Variants in RHOQ observed in about 807,000 individuals in gnomAD.
The protein encoded by RHOQ is ras homolog family member Q, also known as rho-related GTP-binding protein RhoQ.
RHOQ carries 7 observed loss-of-function variants against 25.8 expected under a neutral mutation model. That is an observed-to-expected ratio of 0.27 (90% CI 0.15 to 0.51). RHOQ has a LOEUF of 0.51. Among genes scored for constraint, RHOQ ranks in the 20% least tolerant of loss-of-function variants. The pLI is 0.97. For missense variants in RHOQ, 165 were observed against 260.6 expected, an observed-to-expected ratio of 0.63 and a Z score of 2.53; for synonymous variants, 97 against 98.6, an observed-to-expected ratio of 0.98 and a Z score of 0.10.
chr2:46,571,079 T>G (rs974800175), intron 2 of RHOQ, among the ~76,000 whole-genome samples: 1 of 152,234 alleles, frequency 6.6e-6, no homozygotes, highest in Admixed American at 6.5e-5. Context: ...TCCTAGCATG[T>G]TGGATACGTT....
chr2:46,560,223 C>T (rs1668532954), intron 2 of RHOQ, among the ~76,000 whole-genome samples: 1 of 152,120 alleles, frequency 6.6e-6, no homozygotes, highest in South Asian at 2.1e-4. Flanking sequence ...GCTCCGTGGG[C>T]CTGTTAAGTA....
At chr2:46,553,518 C>T (rs932973165) in intron 2 of RHOQ, among the ~76,000 whole-genome samples, 1 of 152,096 alleles carries the variant, frequency 6.6e-6, no homozygotes, top group Non-Finnish European at 1.5e-5. Flanking sequence ...TTTAAATGTA[C>T]AGTTGCATTA....
At chr2:46,560,681 T>C in intron 2 of RHOQ, 1 of 454,636 alleles carries the variant, frequency 2.2e-6, no homozygotes, top group Non-Finnish European at 4.4e-6. Context: ...GTCTTACTGT[T>C]GGACAGAGGT....
chr2:46,565,214 T>C (rs957124862), intron 2 of RHOQ, among the ~76,000 whole-genome samples: 1 of 152,152 alleles, frequency 6.6e-6, no homozygotes, highest in Non-Finnish European at 1.5e-5. Context: ...AATGATTGGC[T>C]TAATCCAACC....
At chr2:46,568,277 ATAGAGACT>A in intron 2 of RHOQ, 1 of 152,312 alleles carries the variant, frequency 6.6e-6, no homozygotes, top group Admixed American at 6.5e-5. Flanking sequence ...GAAATATTTA[ATAGAGACT>A]TAGAAACAGA....
At position 46,555,657 on chromosome 2, in the gene RHOQ, T is replaced by C. The variant is rs1382862578; in HGVS notation, c.201+11845T>C. 6.6e-6 allele frequency among the ~76,000 whole-genome samples: 1 copy of C among 152,242 alleles called. No homozygotes were observed. The highest frequency in any genetic ancestry group is 6.5e-5 in the Admixed American group (1 of 15,292). ...CATTAAGCAGACAGGCTGCCAGGTCTGTTTGGATGAAATACTGGCTATGCG... is the reference window on the plus strand; with the variant it reads ...CATTAAGCAGACAGGCTGCCAGGTCCGTTTGGATGAAATACTGGCTATGCG... On this transcript the variant is annotated intron_variant, in intron 2 of 4. Transcript: ENST00000238738. The surrounding 1 kb of genome is among the most constrained non-coding windows in gnomAD (Gnocchi z 4.3).
rs1669363014 is a variant in RHOQ at position 46,581,354 on chromosome 2, A to T, written c.*271A>T. The T allele has an allele frequency of 9.2e-6, 13 of 1,420,588 alleles. No individual in the cohort carries two copies. The highest frequency in any genetic ancestry group is 1.2e-5 in the Non-Finnish European group (13 of 1,064,726). The allele number at this position is 1,420,588 out of a possible 1,614,324, so 88.0% of individuals were successfully genotyped here. On this transcript the variant is annotated 3_prime_UTR_variant, in exon 5 of 5. Coordinates refer to ENST00000238738, the MANE Select transcript of RHOQ (RefSeq NM_012249.4). ...GGGGTTTCATAGTTTAAAAAGCTAC[A>T]ATCACATCATGTTGTAACTACGTAA...
Position 46,555,093 on chromosome 2 carries a change from G to T in RHOQ, c.201+11281G>T, listed in dbSNP as rs1264048518. ...GACAGAGCAGGCAGATGGGGGCTCT[G>T]CTTCCTTCGGACAGGGACTTCGTCC... On this transcript the variant is annotated intron_variant, in intron 2 of 4. Coordinates refer to ENST00000238738, the MANE Select transcript of RHOQ (RefSeq NM_012249.4). This position sits in a 1 kb window ranked among gnomAD's most constrained non-coding sequence, Gnocchi z 4.3. Among the ~76,000 whole-genome samples the T allele has an allele frequency of 6.6e-6, 1 of 152,240 alleles. No homozygotes were observed. The highest frequency in any genetic ancestry group is 1.9e-4 in the East Asian group (1 of 5,200).
intron 1 of RHOQ, 95 bp from the exon 2 acceptor site, chr2:46,543,659 G>A: frequency 9.2e-7 from 1 of 1,087,928 alleles, no homozygotes. Flanking sequence ...GCCTCTAGCT[G>A]GGTTGGGAGA....
chr2:46,551,973 C>T (rs1668256134), intron 2 of RHOQ, among the ~76,000 whole-genome samples: 1 of 152,214 alleles, frequency 6.6e-6, no homozygotes, highest in Non-Finnish European at 1.5e-5. Context: ...AAGCCGAGAT[C>T]ACCAGGCAGG....
chr2:46,552,803 G>C lies in RHOQ; in HGVS notation c.201+8991G>C, dbSNP rs926565816. Among the ~76,000 whole-genome samples, 228 of 152,380 alleles carry C rather than the reference G, an allele frequency of 1.5e-3. 1 individual carries two copies. Among genetic ancestry groups the C allele is most frequent in the African/African-American group, 5.3e-3 (222 of 41,590 alleles). ...GCCCCCAGAGGCACAGTGTTTTGAAGGGTAGGTCAACCATGAGTGGTGGGA... is the reference window on the plus strand; with the variant it reads ...GCCCCCAGAGGCACAGTGTTTTGAACGGTAGGTCAACCATGAGTGGTGGGA... On this transcript the variant is annotated intron_variant, in intron 2 of 4. Coordinates refer to ENST00000238738, the MANE Select transcript of RHOQ (RefSeq NM_012249.4). The surrounding 1 kb of genome is among the most constrained non-coding windows in gnomAD (Gnocchi z 5.0).
chr2:46,572,120 T>G (rs1458732087), intron 2 of RHOQ, among the ~76,000 whole-genome samples: 31 of 138,180 alleles, frequency 2.2e-4, no homozygotes, highest in South Asian at 4.8e-4. Flanking sequence ...TTTTTTTTTT[T>G]TTTTTTTTTT....
chr2:46,557,243 C>T (rs573910443), intron 2 of RHOQ, among the ~76,000 whole-genome samples: 8 of 152,128 alleles, frequency 5.3e-5, no homozygotes, highest in East Asian at 3.9e-4. Context: ...ATTCAGTGTA[C>T]CCAGAGATTT....
intron 2 of RHOQ, among the ~76,000 whole-genome samples, chr2:46,563,885 A>G (rs1347409042): frequency 3.9e-5 from 6 of 151,956 alleles, no homozygotes; most frequent in Non-Finnish European, 8.8e-5. Context: ...ACTGGGCTCA[A>G]GGGATCCTCC....
intron 2 of RHOQ, among the ~76,000 whole-genome samples, chr2:46,561,652 A>C (rs1166741377): frequency 1.3e-5 from 2 of 151,938 alleles, no homozygotes; most frequent in South Asian, 4.1e-4. Context: ...TCAAGGGCAG[A>C]TGTATTCTCT....
chr2:46,547,387 T>C (rs980256419), intron 2 of RHOQ, among the ~76,000 whole-genome samples: 1 of 152,376 alleles, frequency 6.6e-6, no homozygotes, highest in East Asian at 1.9e-4. Flanking sequence ...AGATGACCTT[T>C]GGCCTTCTAG....
intron 2 of RHOQ, among the ~76,000 whole-genome samples, chr2:46,551,328 A>C (rs1668236393): frequency 6.6e-6 from 1 of 152,086 alleles, no homozygotes; most frequent in Admixed American, 6.6e-5. Context: ...ACTCCACCCG[A>C]TGTGTGCTGA....
At chr2:46,564,437 T>C (rs1332907791) in intron 2 of RHOQ, among the ~76,000 whole-genome samples, 2 of 152,228 alleles carry the variant, frequency 1.3e-5, no homozygotes, top group Non-Finnish European at 2.9e-5. Context: ...TGTGTGTGTT[T>C]TTGAAAGGGC....
intron 4 of RHOQ, among the ~76,000 whole-genome samples, chr2:46,578,920 A>C (rs1177457428): frequency 6.6e-6 from 1 of 152,182 alleles, no homozygotes; most frequent in Non-Finnish European, 1.5e-5. Flanking sequence ...ATATGTATAT[A>C]TAGAGAGAAA....
Sources: allele counts gnomAD v4.1 joint callset (sites outside exome capture counted in the v4.1 genomes callset), GRCh38; gene constraint gnomAD v4.1.1; non-coding constraint Gnocchi (gnomAD v3.1); transcripts MANE v1.5; gene names NCBI Gene and HGNC (gene_info 2026-07-23, HGNC 2026-07-21).